CEP128: variants seen among roughly 807,000 people sequenced by gnomAD.
CEP128 encodes centrosomal protein 128kDa.
Under a neutral mutation model 156.7 loss-of-function variants are expected in CEP128, and 132 were observed. That is an observed-to-expected ratio of 0.84 (90% CI 0.73 to 0.97). The LOEUF (loss-of-function observed/expected upper bound fraction) is 0.97, where lower values mean the gene tolerates loss of function less well. CEP128 is among the 50% of genes least tolerant of loss of function. The probability of loss-of-function intolerance (pLI) is 0.00; values close to 1 mark genes in which losing one functional copy is unlikely to be tolerated. For missense variants in CEP128, 1,252 were observed against 1,281.9 expected, an observed-to-expected ratio of 0.98 and a Z score of 0.36; for synonymous variants, 469 against 448.9, an observed-to-expected ratio of 1.04 and a Z score of -0.57.
chr14:80,613,075 C>T (rs1893063019), intron 19 of CEP128, among the ~76,000 whole-genome samples: 1 of 146,718 alleles, frequency 6.8e-6, no homozygotes, highest in Non-Finnish European at 1.5e-5. Flanking sequence ...AGGCTGCTCT[C>T]GAACTCCTGA....
intron 20 of CEP128, among the ~76,000 whole-genome samples, chr14:80,575,522 G>A: frequency 6.6e-6 from 1 of 152,310 alleles, no homozygotes. Context: ...GAAGGTAAGA[G>A]AAAGGGCAAG....
At chr14:80,827,357 C>T (rs1441727405) in intron 13 of CEP128, among the ~76,000 whole-genome samples, 1 of 152,148 alleles carries the variant, frequency 6.6e-6, no homozygotes, top group African/African-American at 2.4e-5. Context: ...GTTCTTAACC[C>T]ATTTATAATC....
At position 80,543,716 on chromosome 14, in the gene CEP128, C is replaced by T. The variant is rs1024745155; in HGVS notation, c.2881-12830G>A. ...AGCTAGAAAGTCCTTCCCTTCCCTGCCCAAATGAAAGCCATGCATTCATTC... is the reference window on the plus strand; with the variant it reads ...AGCTAGAAAGTCCTTCCCTTCCCTGTCCAAATGAAAGCCATGCATTCATTC... On this transcript the variant is annotated intron_variant, in intron 21 of 24. Coordinates refer to ENST00000555265, the MANE Select transcript of CEP128 (RefSeq NM_152446.5). Among the ~76,000 whole-genome samples the T allele has an allele frequency of 3.9e-5, 6 of 152,148 alleles. No homozygotes were observed. The South Asian group carries it at 6.2e-4, about 16-fold the overall frequency.
chr14:80,751,125 G>A (rs1490922044), intron 18 of CEP128, among the ~76,000 whole-genome samples: 2 of 152,148 alleles, frequency 1.3e-5, no homozygotes, highest in Non-Finnish European at 2.9e-5. Flanking sequence ...CCAGAACTGT[G>A]AGAAAATAAA....
chr14:80,596,196 A>G (rs1204883238), intron 19 of CEP128, among the ~76,000 whole-genome samples: 1 of 152,174 alleles, frequency 6.6e-6, no homozygotes, highest in African/African-American at 2.4e-5. Flanking sequence ...AGATCGTTAG[A>G]GTGAATTAAA....
At chr14:80,852,855 G>A (rs1258664350) in intron 9 of CEP128, among the ~76,000 whole-genome samples, 1 of 151,708 alleles carries the variant, frequency 6.6e-6, no homozygotes, top group African/African-American at 2.4e-5. Context: ...AAACGTCAGT[G>A]CAAGGAAAAC....
At chr14:80,669,048 T>G (rs1485447631) in intron 19 of CEP128, among the ~76,000 whole-genome samples, 1 of 152,158 alleles carries the variant, frequency 6.6e-6, no homozygotes, top group Non-Finnish European at 1.5e-5. Flanking sequence ...AGGTATGACT[T>G]TATTAGCAGC....
At chr14:80,587,960 A>T (rs1355482849) in intron 19 of CEP128, among the ~76,000 whole-genome samples, 3 of 152,114 alleles carry the variant, frequency 2.0e-5, no homozygotes, top group Non-Finnish European at 2.9e-5. Context: ...TTCTAGACTC[A>T]TAAGGTCAAC....
chr14:80,784,935 T>G lies in CEP128; in HGVS notation c.2171A>C (p.Lys724Thr). 3.1e-6 allele frequency: 5 copies of G among 1,613,814 alleles called. No individual in the cohort carries two copies. The highest frequency in any genetic ancestry group is 4.2e-6 in the Non-Finnish European group (5 of 1,179,874). ...NIQELMKHFK[K>T]EKSEAENHIR... is the part of the protein sequence containing the mutation. ...ATGATTCTCAGCCTCACTCTTTTCT[T>G]TCTTAAAGTGCTTCATAAGCTCCTG... Residue 724 changes from lysine to threonine, a missense_variant, in exon 15 of 25, where the codon AAA (lysine) becomes ACA (threonine). Transcript: ENST00000555265.
chr14:80,818,382 A>G (rs1249921149), intron 13 of CEP128, among the ~76,000 whole-genome samples: 1 of 152,268 alleles, frequency 6.6e-6, no homozygotes, highest in East Asian at 1.9e-4. Context: ...AGACATGCAC[A>G]GATCAACAAA....
chr14:80,678,891 C>G (rs976961386), intron 19 of CEP128, among the ~76,000 whole-genome samples: 2 of 152,148 alleles, frequency 1.3e-5, no homozygotes, highest in Admixed American at 6.5e-5. Flanking sequence ...GGCAGAGGAA[C>G]ATAAATTGTG....
In CEP128 at chr14:80,853,892, C is replaced by A. The variant is rs576890465; in HGVS notation, c.762+8865G>T. On this transcript the variant is annotated intron_variant, in intron 9 of 24. Transcript: ENST00000555265. ...GGCATTTAAATTAGAGTGGAAAGAA[C>A]CAATTTTTATTCAAAAATGATGCTG... 6.6e-5 allele frequency among the ~76,000 whole-genome samples: 10 copies of A among 151,740 alleles called. No homozygotes were observed. The East Asian group carries it at 1.9e-3, about 29-fold the overall frequency.
intron 13 of CEP128, among the ~76,000 whole-genome samples, chr14:80,821,636 CACACACAT>C (rs1252872389): frequency 2.7e-4 from 34 of 126,286 alleles, no homozygotes; most frequent in African/African-American, 7.3e-4. Context: ...CACACACACA[CACACACAT>C]GCACACAAAG....
At chr14:80,869,964 T>C (rs1217000395) in intron 8 of CEP128, among the ~76,000 whole-genome samples, 4 of 152,018 alleles carry the variant, frequency 2.6e-5, no homozygotes, top group African/African-American at 9.7e-5. Flanking sequence ...GAAAATACTA[T>C]GAACAATTTT....
rs1388605029 is a variant in CEP128, at chr14:80,932,482, A to G, written c.-16+6903T>C. Among the ~76,000 whole-genome samples, 9 of 152,324 alleles carry G rather than the reference A, an allele frequency of 5.9e-5. No individual in the cohort carries two copies. The East Asian group carries it at 1.7e-3, about 29-fold the overall frequency. ...ATTTAAGTCAAGGCAAAATATCCTG[A>G]GATTGCCTTGTGCACCAAAAAGCCT... On this transcript the variant is annotated intron_variant, in intron 2 of 24. Transcript: ENST00000555265.
chr14:80,744,988 C>G (rs542100100), intron 18 of CEP128, among the ~76,000 whole-genome samples: 3 of 152,138 alleles, frequency 2.0e-5, no homozygotes, highest in Non-Finnish European at 4.4e-5. Context: ...TACTAGCAAA[C>G]GGAATCCAGC....
At chr14:80,847,420 A>T (rs972817932) in intron 9 of CEP128, among the ~76,000 whole-genome samples, 2 of 152,204 alleles carry the variant, frequency 1.3e-5, no homozygotes, top group Non-Finnish European at 2.9e-5. Context: ...ATCTTTGCAA[A>T]GAAAAAATTT....
intron 19 of CEP128, among the ~76,000 whole-genome samples, chr14:80,604,697 A>G (rs1892712046): frequency 6.6e-6 from 1 of 151,972 alleles, no homozygotes; most frequent in Non-Finnish European, 1.5e-5. Context: ...CTTTGTTCCT[A>G]CTTTTATTAT....
Position 80,795,007 on chromosome 14 carries a change from G to A in CEP128, c.1210-1897C>T, listed in dbSNP as rs143852677. Among the ~76,000 whole-genome samples the A allele has an allele frequency of 4.3e-4, 66 of 152,278 alleles. No homozygotes were observed. The East Asian group carries it at 0.01, about 23-fold the overall frequency. On this transcript the variant is annotated intron_variant, in intron 13 of 24. Coordinates refer to ENST00000555265, the MANE Select transcript of CEP128 (RefSeq NM_152446.5). Reference sequence around the variant, plus strand: ...CAATCCCAACACAAATCTAAAATGAGACAATATTATCCCCATTTCAGTGAA... The same window carrying A: ...CAATCCCAACACAAATCTAAAATGAAACAATATTATCCCCATTTCAGTGAA...
Sources: gnomAD v4.1 joint callset for allele counts (sites outside exome capture counted in the v4.1 genomes callset) on GRCh38, gnomAD v4.1.1 for gene constraint, MANE v1.5 for transcripts, NCBI Gene and HGNC (gene_info 2026-07-23, HGNC 2026-07-21) for gene names.